Variants in EPHA5 observed in about 807,000 individuals in gnomAD.
The protein encoded by EPHA5 is EPH receptor A5.
Under a neutral mutation model 105.0 loss-of-function variants are expected in EPHA5, and 60 were observed. That is an observed-to-expected ratio of 0.57 (90% confidence interval 0.46 to 0.71). EPHA5 has a LOEUF of 0.71. EPHA5 is among the 30% of genes least tolerant of loss of function. The pLI, the probability that EPHA5 is intolerant of heterozygous loss-of-function variation, is 0.00. For synonymous variants in EPHA5, 513 were observed against 449.1 expected (o/e 1.14, Z -1.80); for missense variants, 1,218 against 1,274.7 (o/e 0.96, Z 0.68).
intron 14 of EPHA5, among the ~76,000 whole-genome samples, chr4:65,341,783 A>G (rs1248290655): frequency 6.6e-6 from 1 of 151,934 alleles, no homozygotes; most frequent in Non-Finnish European, 1.5e-5. Context: ...ATTAAGTTCT[A>G]TCTAGGGCTT....
chr4:65,618,058 T>G (rs1440780342), intron 2 of EPHA5, among the ~76,000 whole-genome samples: 3 of 152,148 alleles, frequency 2.0e-5, no homozygotes, highest in Non-Finnish European at 4.4e-5. Context: ...TTTGATGGTA[T>G]CTGAAATTCC....
Position 65,550,728 on chromosome 4 carries a change from C to A in EPHA5, c.910+50913G>T, listed in dbSNP as rs185835612. ...GCGCGCGCCTATAGTCCCAGCTAAT[C>A]GAGGGGCTGAGGCAGGAGAATCCCT... On this transcript the variant is annotated intron_variant, in intron 3 of 16. Transcript: ENST00000613740. Among the ~76,000 whole-genome samples, 6 of 152,056 alleles carry A rather than the reference C, an allele frequency of 3.9e-5. No homozygotes were observed. In the East Asian group the frequency reaches 1.2e-3, roughly 30 times the overall value.
intron 3 of EPHA5, among the ~76,000 whole-genome samples, chr4:65,547,335 C>A (rs1737477037): frequency 6.7e-6 from 1 of 149,468 alleles, no homozygotes; most frequent in Non-Finnish European, 1.5e-5. Context: ...AATGACTTTA[C>A]TGCTATCACT....
At chr4:65,570,755 C>A (rs1740048274) in intron 3 of EPHA5, among the ~76,000 whole-genome samples, 1 of 151,890 alleles carries the variant, frequency 6.6e-6, no homozygotes, top group Non-Finnish European at 1.5e-5. Context: ...ATATTTCTAA[C>A]CATTGTCATG....
chr4:65,436,523 T>G (rs1015834834), intron 5 of EPHA5, among the ~76,000 whole-genome samples: 1 of 152,020 alleles, frequency 6.6e-6, no homozygotes, highest in Non-Finnish European at 1.5e-5. Context: ...ATGGAAGTAC[T>G]GATGGAACAA....
intron 6 of EPHA5, among the ~76,000 whole-genome samples, chr4:65,419,077 G>T: frequency 6.6e-6 from 1 of 151,270 alleles, no homozygotes; most frequent in South Asian, 2.1e-4. Context: ...TATAGACAGG[G>T]TTTCACTACG....
At chr4:65,343,946 A>G (rs1721977315) in intron 14 of EPHA5, among the ~76,000 whole-genome samples, 1 of 152,186 alleles carries the variant, frequency 6.6e-6, no homozygotes, top group Non-Finnish European at 1.5e-5. Context: ...CTGAAAGAGT[A>G]TCAAGACACT....
At chr4:65,391,229 T>C (rs999525580) in intron 8 of EPHA5, among the ~76,000 whole-genome samples, 1 of 152,046 alleles carries the variant, frequency 6.6e-6, no homozygotes, top group Non-Finnish European at 1.5e-5. Context: ...GAGATTTGGG[T>C]GGGGACACAA....
intron 2 of EPHA5, among the ~76,000 whole-genome samples, chr4:65,630,351 C>A (rs1746520949): frequency 1.3e-5 from 2 of 152,066 alleles, no homozygotes; most frequent in Admixed American, 1.3e-4. Flanking sequence ...ATTCCACTGG[C>A]AAGGCAAGAA....
chr4:65,360,278 C>T (rs544011968), intron 11 of EPHA5, among the ~76,000 whole-genome samples: 1 of 151,748 alleles, frequency 6.6e-6, no homozygotes, highest in East Asian at 1.9e-4. Flanking sequence ...GAAACTCAGT[C>T]GGTTTAATCT....
chr4:65,336,345 G>C (rs906279804), intron 14 of EPHA5, among the ~76,000 whole-genome samples: 1 of 151,788 alleles, frequency 6.6e-6, no homozygotes, highest in African/African-American at 2.4e-5. Flanking sequence ...CTTTCTTCAC[G>C]TATTATAAAT....
intron 1 of EPHA5, among the ~76,000 whole-genome samples, chr4:65,668,489 C>T (rs1750154102): frequency 6.6e-6 from 1 of 152,154 alleles, no homozygotes; most frequent in Admixed American, 6.5e-5. Context: ...GATACTGTTC[C>T]CGCCCCTCCG....
At chr4:65,377,105 C>T (rs2148920532) in intron 8 of EPHA5, 2 of 1,577,464 alleles carry the variant, frequency 1.3e-6, no homozygotes, top group South Asian at 2.3e-5. Context: ...GAAGAGATCC[C>T]ACTCCCTCAA....
At chr4:65,609,115 A>G (rs1181920954) in intron 2 of EPHA5, among the ~76,000 whole-genome samples, 2 of 152,200 alleles carry the variant, frequency 1.3e-5, no homozygotes, top group African/African-American at 4.8e-5. Flanking sequence ...ATTTTTACAT[A>G]TAACAACAAG....
chr4:65,545,998 G>T (rs761089531), intron 3 of EPHA5, among the ~76,000 whole-genome samples: 1 of 151,840 alleles, frequency 6.6e-6, no homozygotes, highest in African/African-American at 2.4e-5. Context: ...AGGCCATAAG[G>T]TCTCCATCAC....
chr4:65,626,778 C>T (rs1746197637), intron 2 of EPHA5, among the ~76,000 whole-genome samples: 1 of 152,168 alleles, frequency 6.6e-6, no homozygotes, highest in Non-Finnish European at 1.5e-5. Flanking sequence ...TGGGGTTTTA[C>T]ACAGCTGCCT....
At chr4:65,477,260 G>T (rs1729911697) in intron 5 of EPHA5, among the ~76,000 whole-genome samples, 1 of 152,132 alleles carries the variant, frequency 6.6e-6, no homozygotes, top group Non-Finnish European at 1.5e-5. Flanking sequence ...TAAGAAAATA[G>T]ATTTTAGGTA....
intron 1 of EPHA5, among the ~76,000 whole-genome samples, chr4:65,658,146 T>C (rs1749235227): frequency 1.3e-5 from 2 of 152,102 alleles, no homozygotes; most frequent in South Asian, 4.2e-4. Flanking sequence ...CACACAATCC[T>C]GGGAAAATCT....
intron 3 of EPHA5, among the ~76,000 whole-genome samples, chr4:65,505,628 C>A (rs924329208): frequency 6.6e-6 from 1 of 152,022 alleles, no homozygotes; most frequent in Admixed American, 6.6e-5. Flanking sequence ...TGCACTCTCA[C>A]GTTAAGTTTT....
Sources: gnomAD v4.1 joint callset for allele counts (sites outside exome capture counted in the v4.1 genomes callset) on GRCh38, gnomAD v4.1.1 for gene constraint, MANE v1.5 for transcripts, NCBI Gene and HGNC (gene_info 2026-07-23, HGNC 2026-07-21) for gene names.